The following VWC2 variants were observed in gnomAD, a reference collection of about 807,000 sequenced individuals.
VWC2 encodes brorin.
Under a neutral mutation model 29.8 loss-of-function variants are expected in VWC2, and 14 were observed. That is an observed-to-expected ratio of 0.47 (90% confidence interval 0.31 to 0.74). VWC2 has a LOEUF of 0.74. Among genes scored for constraint, VWC2 ranks in the 30% least tolerant of loss-of-function variants. The pLI is 0.05. For missense variants in VWC2, 457 were observed against 459.8 expected (o/e 0.99, Z 0.05); for synonymous variants, 213 against 199.0 (o/e 1.07, Z -0.59).
intron 3 of VWC2, among the ~76,000 whole-genome samples, chr7:49,911,755 G>A (rs1346805131): frequency 2.0e-5 from 3 of 151,628 alleles, no homozygotes; most frequent in African/African-American, 7.3e-5. Context: ...AAACTAGCTG[G>A]GTATAGTGGC....
chr7:49,848,122 T>G (rs908024203), intron 3 of VWC2, among the ~76,000 whole-genome samples: 2 of 152,178 alleles, frequency 1.3e-5, no homozygotes, highest in African/African-American at 4.8e-5. Context: ...GAGTCAGCTT[T>G]GTGAGTGGGA....
chr7:49,907,890 G>T (rs2128740749), intron 3 of VWC2, among the ~76,000 whole-genome samples: 1 of 152,252 alleles, frequency 6.6e-6, no homozygotes, highest in Non-Finnish European at 1.5e-5. Flanking sequence ...TCATGCAGAT[G>T]AAGCCTCCAG....
At chr7:49,860,778 T>C (rs1790617406) in intron 3 of VWC2, among the ~76,000 whole-genome samples, 1 of 152,212 alleles carries the variant, frequency 6.6e-6, no homozygotes, top group Non-Finnish European at 1.5e-5. Context: ...GGGTGAGGCC[T>C]TAATCTAATA....
rs976275357 is a variant in VWC2 at position 49,894,836 on chromosome 7, T to C, written c.827-17198T>C. Among the ~76,000 whole-genome samples the C allele has an allele frequency of 3.9e-4, 60 of 152,206 alleles. 2 individuals are homozygous for C. Among genetic ancestry groups the C allele is most frequent in the Non-Finnish European group, 2.9e-5 (2 of 68,036 alleles). On this transcript the variant is annotated intron_variant, in intron 3 of 3. Transcript: ENST00000340652. Reference sequence around the variant, plus strand: ...TACAGCCTTATCATCTGTTCAGCGCTAAGTGCAAGCACCTATCCTGGGCTA... The same window carrying C: ...TACAGCCTTATCATCTGTTCAGCGCCAAGTGCAAGCACCTATCCTGGGCTA...
chr7:49,826,963 C>A (rs1789407708), intron 3 of VWC2, among the ~76,000 whole-genome samples: 2 of 151,920 alleles, frequency 1.3e-5, no homozygotes, highest in Non-Finnish European at 2.9e-5. Flanking sequence ...TTATCTTTAG[C>A]ATGTTCAGTA....
chr7:49,837,804 G>C (rs1293180948), intron 3 of VWC2, among the ~76,000 whole-genome samples: 1 of 152,154 alleles, frequency 6.6e-6, no homozygotes, highest in Non-Finnish European at 1.5e-5. Flanking sequence ...CACAATCCAT[G>C]ATGCTGATAA....
intron 3 of VWC2, among the ~76,000 whole-genome samples, chr7:49,863,535 G>A (rs1460778783): frequency 4.6e-5 from 7 of 152,090 alleles, no homozygotes; most frequent in Admixed American, 2.0e-4. Context: ...GGGCTCAAGC[G>A]ATCCTCCTGC....
At chr7:49,875,284 C>T (rs981509360) in intron 3 of VWC2, among the ~76,000 whole-genome samples, 4 of 136,630 alleles carry the variant, frequency 2.9e-5, no homozygotes, top group African/African-American at 1.1e-4. Flanking sequence ...GCAGGAGAAT[C>T]GCCTGAACCC....
At chr7:49,893,498 T>C (rs1426128705) in intron 3 of VWC2, among the ~76,000 whole-genome samples, 1 of 152,224 alleles carries the variant, frequency 6.6e-6, no homozygotes, top group Non-Finnish European at 1.5e-5. Context: ...TCATTTGAAC[T>C]CTTAGTTAAA....
At chr7:49,864,288 G>T (rs1790790689) in intron 3 of VWC2, among the ~76,000 whole-genome samples, 1 of 152,162 alleles carries the variant, frequency 6.6e-6, no homozygotes, top group Non-Finnish European at 1.5e-5. Context: ...GAAGATAGGA[G>T]AACCTCTTGT....
chr7:49,832,587 G>A (rs1335761991), intron 3 of VWC2, among the ~76,000 whole-genome samples: 1 of 152,124 alleles, frequency 6.6e-6, no homozygotes, highest in Non-Finnish European at 1.5e-5. Context: ...GCTGAACCAG[G>A]TTGACTGAAA....
chr7:49,849,093 C>T (rs1197495602), intron 3 of VWC2, among the ~76,000 whole-genome samples: 1 of 152,188 alleles, frequency 6.6e-6, no homozygotes, highest in Non-Finnish European at 1.5e-5. Flanking sequence ...TCTTGTCCTA[C>T]TGTACTGTAT....
chr7:49,829,087 A>T (rs1178611035), intron 3 of VWC2, among the ~76,000 whole-genome samples: 1 of 152,038 alleles, frequency 6.6e-6, no homozygotes, highest in East Asian at 1.9e-4. Context: ...TCCCTCTTCT[A>T]TTGGGACCTA....
At chr7:49,901,770 T>A (rs1792742992) in intron 3 of VWC2, among the ~76,000 whole-genome samples, 1 of 147,508 alleles carries the variant, frequency 6.8e-6, no homozygotes, top group Non-Finnish European at 1.5e-5. Flanking sequence ...GAACTTAATA[T>A]AAAGCAATGG....
At chr7:49,782,615 T>G (rs1583621722) in intron 2 of VWC2, among the ~76,000 whole-genome samples, 4 of 142,528 alleles carry the variant, frequency 2.8e-5, no homozygotes, top group Non-Finnish European at 3.0e-5. Context: ...GAGACTGAGG[T>G]GGGAAGATGA....
intron 3 of VWC2, among the ~76,000 whole-genome samples, chr7:49,808,155 G>C (rs1788920188): frequency 1.3e-5 from 2 of 152,182 alleles, no homozygotes; most frequent in South Asian, 4.1e-4. Context: ...AATTAAATTA[G>C]TATTAACCTG....
chr7:49,835,508 G>A (rs926016744), intron 3 of VWC2, among the ~76,000 whole-genome samples: 6 of 152,188 alleles, frequency 3.9e-5, no homozygotes, highest in South Asian at 2.1e-4. Context: ...TCAGACAGCT[G>A]CAGTAAGGGA....
chr7:49,898,324 T>A (rs567068969), intron 3 of VWC2, among the ~76,000 whole-genome samples: 71 of 151,694 alleles, frequency 4.7e-4, no homozygotes, highest in East Asian at 2.7e-3. Flanking sequence ...TTTTTTTTTT[T>A]AAAAAAACCT....
intron 3 of VWC2, among the ~76,000 whole-genome samples, chr7:49,888,073 G>T (rs1791974094): frequency 6.6e-6 from 1 of 152,166 alleles, no homozygotes; most frequent in Non-Finnish European, 1.5e-5. Flanking sequence ...GTACATCTCT[G>T]TCCAACTCAG....
Sources: allele counts gnomAD v4.1 joint callset (sites outside exome capture counted in the v4.1 genomes callset), GRCh38; gene constraint gnomAD v4.1.1; transcripts MANE v1.5; gene names NCBI Gene and HGNC (gene_info 2026-07-23, HGNC 2026-07-21).